Variants in SGCD observed in about 807,000 individuals in gnomAD.
SGCD encodes delta-sarcoglycan.
A neutral mutation model predicts 36.6 loss-of-function variants in SGCD; 18 were observed. The observed-to-expected ratio is 0.49, with a 90% CI of 0.34 to 0.73. SGCD has a LOEUF of 0.73. Among genes scored for constraint, SGCD ranks in the 30% least tolerant of loss-of-function variants. The probability of loss-of-function intolerance (pLI) is 0.01; values close to 1 mark genes in which losing one functional copy is unlikely to be tolerated. For synonymous variants in SGCD, 133 were observed against 130.6 expected (o/e 1.02, Z -0.12); for missense variants, 387 against 346.7 (o/e 1.12, Z -0.92).
intron 1 of SGCD, among the ~76,000 whole-genome samples, chr5:156,100,470 T>C (rs1463414515): frequency 6.6e-6 from 1 of 152,186 alleles, no homozygotes; most frequent in African/African-American, 2.4e-5. Flanking sequence ...GTGTTTTGTG[T>C]TTTCATTTTT....
chr5:156,633,030 T>C (rs1488513941), intron 6 of SGCD, among the ~76,000 whole-genome samples: 1 of 152,172 alleles, frequency 6.6e-6, no homozygotes, highest in Non-Finnish European at 1.5e-5. Context: ...AGAATCAAGG[T>C]GTTCCCTCTG....
At chr5:156,279,247 G>C (rs1474878458) in intron 3 of SGCD, among the ~76,000 whole-genome samples, 1 of 152,098 alleles carries the variant, frequency 6.6e-6, no homozygotes, top group Admixed American at 6.5e-5. Flanking sequence ...GTTCTTTTTT[G>C]TAAGTTTCTG....
At chr5:155,759,124 G>A in the SGCD span, among the ~76,000 whole-genome samples, 2 of 151,924 alleles carry the variant, frequency 1.3e-5, no homozygotes, top group Non-Finnish European at 2.9e-5. Flanking sequence ...TTACAGGCAT[G>A]AGCCACCACA....
At chr5:156,365,667 T>C (rs1770057441) in intron 3 of SGCD, among the ~76,000 whole-genome samples, 1 of 152,202 alleles carries the variant, frequency 6.6e-6, no homozygotes, top group African/African-American at 2.4e-5. Context: ...TATCTGTGTA[T>C]GCATAAATAT....
At chr5:155,791,741 A>G in the SGCD span, among the ~76,000 whole-genome samples, 2 of 152,074 alleles carry the variant, frequency 1.3e-5, no homozygotes, top group Admixed American at 1.3e-4. Flanking sequence ...ACAAAACACT[A>G]CTGAAGTAAA....
intron 6 of SGCD, among the ~76,000 whole-genome samples, chr5:156,607,959 G>A (rs1244128881): frequency 1.3e-5 from 2 of 152,058 alleles, no homozygotes; most frequent in South Asian, 4.2e-4. Context: ...TCTTGCTAGT[G>A]GTCTATCAAT....
chr5:156,038,366 A>G (rs1348093978), intron 1 of SGCD, among the ~76,000 whole-genome samples: 3 of 152,098 alleles, frequency 2.0e-5, no homozygotes, highest in Admixed American at 6.6e-5. Flanking sequence ...ATGGGATAGC[A>G]TAAAGTAGGT....
chr5:156,043,193 C>A (rs987357166), intron 1 of SGCD, among the ~76,000 whole-genome samples: 1 of 152,084 alleles, frequency 6.6e-6, no homozygotes, highest in Non-Finnish European at 1.5e-5. Context: ...TCTGGAAGAA[C>A]AAGTATCAAT....
intron 3 of SGCD, among the ~76,000 whole-genome samples, chr5:156,416,016 G>C (rs1773010736): frequency 1.3e-5 from 2 of 152,162 alleles, no homozygotes; most frequent in Non-Finnish European, 2.9e-5. Flanking sequence ...AGCAATTACA[G>C]TTATTCCACT....
chr5:156,248,459 C>T (rs938909699), intron 3 of SGCD, among the ~76,000 whole-genome samples: 1 of 152,042 alleles, frequency 6.6e-6, no homozygotes, highest in African/African-American at 2.4e-5. Flanking sequence ...GCAGAGGTGG[C>T]AGTGAGCTGA....
At chr5:156,454,390 C>T (rs1000459065) in intron 3 of SGCD, among the ~76,000 whole-genome samples, 2 of 152,094 alleles carry the variant, frequency 1.3e-5, no homozygotes, top group East Asian at 3.8e-4. Flanking sequence ...AGGAAACTTT[C>T]CATAGTACCC....
chr5:156,712,146 G>A (rs2113756751), intron 7 of SGCD, among the ~76,000 whole-genome samples: 1 of 152,230 alleles, frequency 6.6e-6, no homozygotes, highest in Middle Eastern at 3.4e-3. Context: ...CCTCTATCTT[G>A]TGCTGACCTC....
At chr5:156,442,248 C>A (rs1753526017) in intron 3 of SGCD, among the ~76,000 whole-genome samples, 1 of 152,142 alleles carries the variant, frequency 6.6e-6, no homozygotes, top group Admixed American at 6.5e-5. Context: ...TGAGTAAGTT[C>A]TGCAGGTGTG....
chr5:156,501,769 C>A (rs1756463761), intron 3 of SGCD, among the ~76,000 whole-genome samples: 1 of 152,178 alleles, frequency 6.6e-6, no homozygotes, highest in South Asian at 2.1e-4. Flanking sequence ...CACTGGTGAT[C>A]CTGCGATGAG....
intron 7 of SGCD, among the ~76,000 whole-genome samples, chr5:156,685,608 G>A (rs1047144825): frequency 6.6e-6 from 1 of 152,158 alleles, no homozygotes; most frequent in Admixed American, 6.5e-5. Flanking sequence ...GCTTGCTTAT[G>A]TGCTGCCTTG....
the SGCD span, among the ~76,000 whole-genome samples, chr5:155,810,105 G>T: frequency 6.6e-6 from 1 of 152,174 alleles, no homozygotes; most frequent in African/African-American, 2.4e-5. Flanking sequence ...AAGAACACAC[G>T]TGCTTTGATA....
intron 3 of SGCD, among the ~76,000 whole-genome samples, chr5:156,212,878 AAAC>A (rs1764480699): frequency 6.6e-6 from 1 of 152,126 alleles, no homozygotes. Context: ...CATGGAAATT[AAAC>A]AACATATTTC....
intron 1 of SGCD, among the ~76,000 whole-genome samples, chr5:155,880,183 TTAAAG>T (rs1308082949): frequency 6.6e-6 from 1 of 152,118 alleles, no homozygotes; most frequent in Non-Finnish European, 1.5e-5. Context: ...TTTTGTACCT[TTAAAG>T]TGAGAATAAG....
At chr5:156,205,488 T>C (rs1231485061) in intron 3 of SGCD, among the ~76,000 whole-genome samples, 1 of 152,142 alleles carries the variant, frequency 6.6e-6, no homozygotes, top group African/African-American at 2.4e-5. Flanking sequence ...AAGACAATCA[T>C]ACAGGCTGTC....
Sources: gnomAD v4.1 joint callset for allele counts (sites outside exome capture counted in the v4.1 genomes callset) on GRCh38, gnomAD v4.1.1 for gene constraint, MANE v1.5 for transcripts, NCBI Gene and HGNC (gene_info 2026-07-23, HGNC 2026-07-21) for gene names.